The following PLXDC2 variants were observed in gnomAD, a reference collection of about 807,000 sequenced individuals.
PLXDC2 encodes plexin domain containing 2.
A neutral mutation model predicts 68.9 loss-of-function variants in PLXDC2; 40 were observed. The ratio of observed to expected loss-of-function variants is 0.58; its 90% CI spans 0.45 to 0.76. The LOEUF is 0.76. Ranked by LOEUF, PLXDC2 falls within the 30% of genes least tolerant of loss-of-function variation. The pLI is 0.00. For synonymous variants in PLXDC2, 243 were observed against 234.2 expected, an observed-to-expected ratio of 1.04 and a Z score of -0.34; for missense variants, 644 against 661.9, an observed-to-expected ratio of 0.97 and a Z score of 0.30.
In PLXDC2 at chr10:19,970,778, C is replaced by G. The variant is rs530098927; in HGVS notation, c.113-30997C>G. 1.4e-4 allele frequency among the ~76,000 whole-genome samples: 21 copies of G among 152,240 alleles called. 1 individual carries two copies. The highest frequency in any genetic ancestry group is 1.4e-3 in the Admixed American group (21 of 15,296). ...ATTTCTGGGGAGTGGGATGCAACAT[C>G]CGGGCAGCACCTCCATTGGTTCAAG... On this transcript the variant is annotated intron_variant, in intron 1 of 13. Transcript: ENST00000377252.
At chr10:19,826,747 G>T (rs10764169) in intron 1 of PLXDC2, among the ~76,000 whole-genome samples, 107,920 of 152,010 alleles carry the variant, frequency 0.71, 39,048 homozygotes, top group African/African-American at 0.84. Context: ...AAAAAAGGTG[G>T]TTTTTTTGTT....
chr10:20,065,017 G>T (rs546412438), intron 3 of PLXDC2, among the ~76,000 whole-genome samples: 1 of 151,618 alleles, frequency 6.6e-6, no homozygotes, highest in Non-Finnish European at 1.5e-5. Flanking sequence ...TCTTTTCCTT[G>T]TCTCACTTTT....
intron 1 of PLXDC2, among the ~76,000 whole-genome samples, chr10:19,944,779 C>T (rs1344481730): frequency 3.3e-5 from 5 of 152,080 alleles, no homozygotes; most frequent in Non-Finnish European, 5.9e-5. Flanking sequence ...GATGAAACCC[C>T]GTTTCTACTA....
intron 4 of PLXDC2, among the ~76,000 whole-genome samples, chr10:20,113,874 C>G (rs1396868809): frequency 1.3e-5 from 2 of 152,228 alleles, no homozygotes; most frequent in Admixed American, 1.3e-4. Context: ...GCATGTAACC[C>G]CAGCACTTTG....
chr10:20,132,470 A>G (rs1010574633), intron 4 of PLXDC2, among the ~76,000 whole-genome samples: 5 of 152,116 alleles, frequency 3.3e-5, no homozygotes, highest in African/African-American at 1.2e-4. Context: ...CTATTATTGT[A>G]TTGGTGAACT....
intron 6 of PLXDC2, among the ~76,000 whole-genome samples, chr10:20,148,251 AT>A (rs1358238477): frequency 1.6e-5 from 2 of 128,136 alleles, no homozygotes; most frequent in Non-Finnish European, 3.3e-5. Context: ...ATATTTACGT[AT>A]TTTCTTTAGT....
intron 12 of PLXDC2, among the ~76,000 whole-genome samples, chr10:20,227,335 A>C (rs1327637077): frequency 6.6e-6 from 1 of 152,182 alleles, no homozygotes; most frequent in Admixed American, 6.5e-5. Context: ...ATATAAGAAC[A>C]GAGAAGGGGT....
chr10:19,863,870 G>A (rs1173192954), intron 1 of PLXDC2, among the ~76,000 whole-genome samples: 1 of 151,962 alleles, frequency 6.6e-6, no homozygotes, highest in Non-Finnish European at 1.5e-5. Flanking sequence ...ATAAGTGTGT[G>A]ATTTAGATAC....
intron 4 of PLXDC2, among the ~76,000 whole-genome samples, chr10:20,082,013 C>A (rs1836567799): frequency 1.5e-5 from 2 of 131,570 alleles, no homozygotes; most frequent in South Asian, 4.9e-4. Context: ...CCATTGCACT[C>A]CAGCCTAAGT....
chr10:20,266,862 A>G (rs1323176993), intron 13 of PLXDC2, among the ~76,000 whole-genome samples: 1 of 152,196 alleles, frequency 6.6e-6, no homozygotes, highest in African/African-American at 2.4e-5. Context: ...GCACAATGCT[A>G]AGTAAATATT....
intron 1 of PLXDC2, among the ~76,000 whole-genome samples, chr10:19,959,258 T>A (rs1834118893): frequency 6.6e-6 from 1 of 152,196 alleles, no homozygotes; most frequent in African/African-American, 2.4e-5. Context: ...AAGGAAAGGA[T>A]AATAAAGATA....
At chr10:20,145,755 G>A (rs548560239) in intron 5 of PLXDC2, among the ~76,000 whole-genome samples, 7 of 151,934 alleles carry the variant, frequency 4.6e-5, no homozygotes, top group African/African-American at 1.4e-4. Flanking sequence ...GGGTTTCACC[G>A]TGTTAGCCAG....
intron 1 of PLXDC2, among the ~76,000 whole-genome samples, chr10:19,895,369 C>T (rs753492278): frequency 1.3e-5 from 2 of 152,084 alleles, no homozygotes; most frequent in East Asian, 1.9e-4. Flanking sequence ...TGATGAAAAC[C>T]GCAAAAGTGA....
intron 1 of PLXDC2, among the ~76,000 whole-genome samples, chr10:19,853,694 G>A (rs1338133068): frequency 5.3e-5 from 8 of 151,986 alleles, no homozygotes; most frequent in African/African-American, 1.7e-4. Flanking sequence ...AGTGAAGACA[G>A]AGTGAAAATG....
chr10:19,994,473 C>T (rs564127477), intron 1 of PLXDC2, among the ~76,000 whole-genome samples: 16 of 151,080 alleles, frequency 1.1e-4, no homozygotes, highest in African/African-American at 3.9e-4. Context: ...GGACTGCAGG[C>T]ACACACCACC....
chr10:19,924,686 A>C (rs1269703129), intron 1 of PLXDC2, among the ~76,000 whole-genome samples: 1 of 152,176 alleles, frequency 6.6e-6, no homozygotes, highest in Middle Eastern at 3.2e-3. Flanking sequence ...AATCATTTGG[A>C]GGAGATCTGA....
intron 1 of PLXDC2, among the ~76,000 whole-genome samples, chr10:19,965,722 G>C (rs1021414103): frequency 6.8e-6 from 1 of 148,026 alleles, no homozygotes; most frequent in Non-Finnish European, 1.5e-5. Context: ...TTTTTTTGGG[G>C]GGGGGGGTTA....
chr10:19,871,987 T>C (rs930591636), intron 1 of PLXDC2, among the ~76,000 whole-genome samples: 4 of 152,334 alleles, frequency 2.6e-5, no homozygotes, highest in Admixed American at 2.6e-4. Flanking sequence ...TTATTTACTT[T>C]TATCTTTCCA....
intron 1 of PLXDC2, among the ~76,000 whole-genome samples, chr10:19,994,567 T>C (rs2131631774): frequency 1.3e-5 from 2 of 152,084 alleles, no homozygotes; most frequent in Admixed American, 1.3e-4. Context: ...TAGGCAGGTC[T>C]CCATCTCCTG....
Sources: gnomAD v4.1 joint callset for allele counts (sites outside exome capture counted in the v4.1 genomes callset) on GRCh38, gnomAD v4.1.1 for gene constraint, MANE v1.5 for transcripts, NCBI Gene and HGNC (gene_info 2026-07-23, HGNC 2026-07-21) for gene names.